Variants in TNFRSF10D observed in about 807,000 individuals in gnomAD.
TNFRSF10D encodes the protein tumor necrosis factor receptor superfamily member 10D.
Under a neutral mutation model 42.1 loss-of-function variants are expected in TNFRSF10D, and 28 were observed. That is an observed-to-expected ratio of 0.66 (90% CI 0.49 to 0.91). TNFRSF10D has a LOEUF of 0.91. Ranked by LOEUF, TNFRSF10D falls within the 40% of genes least tolerant of loss-of-function variation. The probability of loss-of-function intolerance (pLI) is 0.00; values close to 1 mark genes in which losing one functional copy is unlikely to be tolerated. For missense variants in TNFRSF10D, 503 were observed against 486.1 expected (o/e 1.03, Z -0.33); for synonymous variants, 186 against 189.4 (o/e 0.98, Z 0.15).
intron 2 of TNFRSF10D, among the ~76,000 whole-genome samples, chr8:23,152,353 G>A (rs1800222552): frequency 6.6e-6 from 1 of 152,162 alleles, no homozygotes. Flanking sequence ...GGACCCGTGG[G>A]ACTACACCTT....
chr8:23,137,810 G>C lies in TNFRSF10D; in HGVS notation c.*60C>G. On this transcript the variant is annotated 3_prime_UTR_variant, in exon 9 of 9. Coordinates refer to ENST00000312584, the MANE Select transcript of TNFRSF10D (RefSeq NM_003840.5). ...AGTACTGGACTGTTTCTTCCAGGCT[G>C]CTTCCCTTTGTAGGAGAAAAGGTAA... The C allele has an allele frequency of 9.6e-6, 15 of 1,570,218 alleles. No homozygotes were observed. Among genetic ancestry groups the C allele is most frequent in the Non-Finnish European group, 1.3e-5 (15 of 1,161,338 alleles).
chr8:23,161,610 C>T (rs1320515766), intron 1 of TNFRSF10D, among the ~76,000 whole-genome samples: 1 of 152,212 alleles, frequency 6.6e-6, no homozygotes, highest in Non-Finnish European at 1.5e-5. Context: ...CATCTGGATC[C>T]CCCGGTCATC....
intron 1 of TNFRSF10D, among the ~76,000 whole-genome samples, chr8:23,162,967 G>A (rs1407738189): frequency 6.6e-6 from 1 of 152,240 alleles, no homozygotes; most frequent in African/African-American, 2.4e-5. Flanking sequence ...TGTCGCCCAG[G>A]CTGGAGTGCA....
chr8:23,159,404 A>C (rs76855544), intron 1 of TNFRSF10D, among the ~76,000 whole-genome samples: 736 of 151,866 alleles, frequency 4.8e-3, no homozygotes, highest in African/African-American at 0.015. Flanking sequence ...TAAGGATGAG[A>C]AGTCGAGGCC....
At chr8:23,144,353 C>G in intron 7 of TNFRSF10D, 97 bp downstream of exon 7, 1 of 1,419,066 alleles carries the variant, frequency 7.0e-7, no homozygotes. Context: ...TCCATGTCCC[C>G]TTGGGCCAGG....
intron 2 of TNFRSF10D, among the ~76,000 whole-genome samples, chr8:23,148,988 A>G (rs912300657): frequency 2.6e-5 from 4 of 151,648 alleles, no homozygotes; most frequent in Admixed American, 6.6e-5. Context: ...CAGGAGATCG[A>G]GACCATCCTG....
intron 2 of TNFRSF10D, among the ~76,000 whole-genome samples, chr8:23,154,171 T>G (rs1800244135): frequency 6.6e-6 from 1 of 152,138 alleles, no homozygotes; most frequent in Non-Finnish European, 1.5e-5. Context: ...AAACTTGATC[T>G]CATAGAGGTA....
In TNFRSF10D at chr8:23,148,175, G is replaced by A. The variant is rs181976139; in HGVS notation, c.370+263C>T. 4.0e-5 allele frequency among the ~76,000 whole-genome samples: 6 copies of A among 151,708 alleles called. No homozygotes were observed. In the East Asian group the frequency reaches 1.2e-3, roughly 29 times the overall value. ...GAATCACTAAACCTGGGAGGCAGAGGTTGCAGTGAGCCAAGATCATGCCAT... is the reference window on the plus strand; with the variant it reads ...GAATCACTAAACCTGGGAGGCAGAGATTGCAGTGAGCCAAGATCATGCCAT... On this transcript the variant is annotated intron_variant, in intron 3 of 8. Transcript: ENST00000312584.
chr8:23,143,446 T>C (rs931158132), intron 7 of TNFRSF10D, among the ~76,000 whole-genome samples: 2 of 152,102 alleles, frequency 1.3e-5, no homozygotes, highest in East Asian at 3.9e-4. Flanking sequence ...CTGGGCAACA[T>C]AGCAAGATCA....
At chr8:23,155,814 A>ATT (rs1554519315) in intron 1 of TNFRSF10D, among the ~76,000 whole-genome samples, 1 of 45,610 alleles carries the variant, frequency 2.2e-5, no homozygotes, top group Non-Finnish European at 5.5e-5. Context: ...GTGGGTGAAT[A>ATT]TTCTCTCTCT....
At chr8:23,146,568 A>C (rs977324006) in intron 4 of TNFRSF10D, among the ~76,000 whole-genome samples, 5 of 152,206 alleles carry the variant, frequency 3.3e-5, no homozygotes, top group Non-Finnish European at 7.3e-5. Context: ...AATATTAAAA[A>C]TTACATTTTT....
chr8:23,149,183 C>G (rs1443556078), intron 2 of TNFRSF10D, among the ~76,000 whole-genome samples: 1 of 94,884 alleles, frequency 1.1e-5, no homozygotes, highest in Non-Finnish European at 2.1e-5. Context: ...GAGCAAGACT[C>G]TGTCTCAAAA....
intron 2 of TNFRSF10D, among the ~76,000 whole-genome samples, chr8:23,149,340 C>A (rs1174008659): frequency 6.6e-6 from 1 of 151,722 alleles, no homozygotes; most frequent in Non-Finnish European, 1.5e-5. Flanking sequence ...CAGGTTCAAG[C>A]GATTCTCCTG....
intron 2 of TNFRSF10D, among the ~76,000 whole-genome samples, chr8:23,153,498 G>A (rs561463597): frequency 1.3e-5 from 2 of 152,204 alleles, no homozygotes; most frequent in East Asian, 3.9e-4. Flanking sequence ...AAAATACACA[G>A]GAACTCAAAC....
At chr8:23,157,499 T>C (rs1800297608) in intron 1 of TNFRSF10D, among the ~76,000 whole-genome samples, 1 of 152,218 alleles carries the variant, frequency 6.6e-6, no homozygotes, top group East Asian at 1.9e-4. Flanking sequence ...ATCATGAGCA[T>C]AGAAAGGAAT....
chr8:23,159,728 G>A (rs1346119043), intron 1 of TNFRSF10D, among the ~76,000 whole-genome samples: 2 of 152,056 alleles, frequency 1.3e-5, no homozygotes, highest in African/African-American at 4.8e-5. Context: ...CAGGCGCAAG[G>A]GTGGGCACCT....
chr8:23,157,616 T>G (rs1007608162), intron 1 of TNFRSF10D, among the ~76,000 whole-genome samples: 5 of 152,224 alleles, frequency 3.3e-5, no homozygotes, highest in African/African-American at 1.2e-4. Flanking sequence ...CATCTGACCG[T>G]TCTGTCAATT....
At chr8:23,157,735 A>G (rs917037954) in intron 1 of TNFRSF10D, among the ~76,000 whole-genome samples, 4 of 148,084 alleles carry the variant, frequency 2.7e-5, no homozygotes, top group Non-Finnish European at 4.5e-5. Context: ...TACTCCTTGA[A>G]GAATTAACCT....
At chr8:23,146,323 T>C (rs1012132626) in intron 4 of TNFRSF10D, among the ~76,000 whole-genome samples, 1 of 152,194 alleles carries the variant, frequency 6.6e-6, no homozygotes, top group Non-Finnish European at 1.5e-5. Flanking sequence ...TGTCTGCCGC[T>C]GGTTCCTCCC....
Sources: allele counts gnomAD v4.1 joint callset (sites outside exome capture counted in the v4.1 genomes callset), GRCh38; gene constraint gnomAD v4.1.1; transcripts MANE v1.5; gene names NCBI Gene and HGNC (gene_info 2026-07-23, HGNC 2026-07-21).